Variants in MATN2 observed in about 807,000 individuals in gnomAD.
MATN2 encodes matrilin-2.
MATN2 carries 69 observed loss-of-function variants against 103.2 expected under a neutral mutation model. The ratio of observed to expected loss-of-function variants is 0.67; its 90% CI spans 0.55 to 0.82. The LOEUF (loss-of-function observed/expected upper bound fraction) is 0.82, where lower values mean the gene tolerates loss of function less well. Ranked by LOEUF, MATN2 falls within the 40% of genes least tolerant of loss-of-function variation. The pLI is 0.00. For synonymous variants in MATN2, 429 were observed against 450.2 expected (o/e 0.95, Z 0.60); for missense variants, 1,023 against 1,211.5 (o/e 0.84, Z 2.31).
intron 3 of MATN2, among the ~76,000 whole-genome samples, chr8:97,941,182 A>G (rs199500852): frequency 3.4e-5 from 2 of 58,450 alleles, no homozygotes; most frequent in South Asian, 9.1e-4. Context: ...AAAAAAAAAA[A>G]AAAGAAAGAA....
chr8:97,957,972 T>C (rs1449774370), intron 4 of MATN2, among the ~76,000 whole-genome samples: 1 of 152,238 alleles, frequency 6.6e-6, no homozygotes, highest in Non-Finnish European at 1.5e-5. Flanking sequence ...CTTCTGCGGA[T>C]ATCCCAGTCT....
intron 2 of MATN2, among the ~76,000 whole-genome samples, chr8:97,921,472 TG>T (rs34220273): frequency 0.33 from 49,919 of 152,054 alleles, 8,980 homozygotes; most frequent in Admixed American, 0.39. Flanking sequence ...ATAAGGGAAT[TG>T]GAGAGGGGAG....
chr8:98,030,232 A>G (rs2130452670), intron 14 of MATN2, among the ~76,000 whole-genome samples: 1 of 152,322 alleles, frequency 6.6e-6, no homozygotes, highest in East Asian at 1.9e-4. Flanking sequence ...GCAACAGGTT[A>G]GTAGTTTAGT....
intron 1 of MATN2, among the ~76,000 whole-genome samples, chr8:97,879,005 T>G (rs1818166867): frequency 6.6e-6 from 1 of 152,198 alleles, no homozygotes; most frequent in African/African-American, 2.4e-5. Flanking sequence ...TTTTGTTAAT[T>G]AATGAAAGAT....
chr8:97,965,679 TA>T (rs1811455489), intron 5 of MATN2, among the ~76,000 whole-genome samples: 1 of 151,260 alleles, frequency 6.6e-6, no homozygotes, highest in African/African-American at 2.4e-5. Context: ...TACCAAAAAA[TA>T]AAAAAATTAG....
At chr8:97,917,942 C>T (rs1809688354) in intron 2 of MATN2, among the ~76,000 whole-genome samples, 1 of 151,866 alleles carries the variant, frequency 6.6e-6, no homozygotes. Flanking sequence ...AAAAATTAGT[C>T]GGGTGTGGTG....
At chr8:97,956,772 CT>C (rs1811159905) in intron 4 of MATN2, among the ~76,000 whole-genome samples, 1 of 152,168 alleles carries the variant, frequency 6.6e-6, no homozygotes, top group African/African-American at 2.4e-5. Context: ...GTGTGAATAC[CT>C]CTTGCTGAGG....
At chr8:97,996,031 C>T (rs996458102) in intron 7 of MATN2, among the ~76,000 whole-genome samples, 2 of 152,232 alleles carry the variant, frequency 1.3e-5, no homozygotes, top group East Asian at 3.8e-4. Flanking sequence ...GTGTGAGGGA[C>T]TGGCTGCACC....
intron 10 of MATN2, among the ~76,000 whole-genome samples, chr8:98,008,322 G>C (rs1813042882): frequency 6.6e-6 from 1 of 152,030 alleles, no homozygotes; most frequent in African/African-American, 2.4e-5. Flanking sequence ...GTTTCGAAGT[G>C]GACCAAGATA....
At chr8:98,009,693 C>T (rs537311325) in intron 10 of MATN2, among the ~76,000 whole-genome samples, 1 of 152,230 alleles carries the variant, frequency 6.6e-6, no homozygotes, top group East Asian at 1.9e-4. Flanking sequence ...CCCCAGAGGC[C>T]TTTTTGCCTC....
At chr8:98,018,211 C>G in intron 12 of MATN2, 95 bp downstream of exon 12, 1 of 1,498,076 alleles carries the variant, frequency 6.7e-7, no homozygotes. Flanking sequence ...TTTATTACCA[C>G]TGTCACAAGT....
At position 98,007,086 on chromosome 8, in the gene MATN2, C is replaced by T. The variant is rs767227579; in HGVS notation, c.1328-19C>T. The stretch of plus-strand genomic sequence containing the variant: ...TGCCCCCTCGGCTCCTCTATGCTTT[C>T]GCGTGTGTGAAAATGCAGGAGTGGA... On this transcript the variant is annotated intron_variant, in intron 8 of 18. Coordinates refer to ENST00000254898, the MANE Select transcript of MATN2 (RefSeq NM_002380.5). The surrounding 1 kb of genome is among the most constrained non-coding windows in gnomAD (Gnocchi z 4.2). 8.1e-6 allele frequency: 13 copies of T among 1,595,130 alleles called. No individual in the cohort carries two copies. The East Asian group carries it at 9.1e-5, about 11-fold the overall frequency.
At position 98,001,482 on chromosome 8, in the gene MATN2, TGAG is replaced by T. The variant is rs1315569029; in HGVS notation, c.1205-2178_1205-2176del. 3.0e-5 allele frequency among the ~76,000 whole-genome samples: 3 copies of T among 98,796 alleles called. No homozygotes were observed. In the Admixed American group the frequency reaches 3.1e-4, roughly 10 times the overall value. The allele number at this position is 98,796 out of a possible 152,430, so 64.8% of individuals were successfully genotyped here. ...TTTGTCTTTTTTTTTTTTTTTTTTTTGAGACAGAGTCTCACTCTGTTGCCCAGG... is the reference window on the plus strand; with the variant it reads ...TTTGTCTTTTTTTTTTTTTTTTTTTTACAGAGTCTCACTCTGTTGCCCAGG... On this transcript the variant is annotated intron_variant, in intron 7 of 18. Transcript: ENST00000254898.
chr8:98,010,248 G>GCTCTC (rs1813113318), intron 10 of MATN2, among the ~76,000 whole-genome samples: 2 of 151,972 alleles, frequency 1.3e-5, no homozygotes, highest in South Asian at 4.2e-4. Context: ...CACCTGATAG[G>GCTCTC]CTCTCCTCTC....
At chr8:97,899,131 G>A (rs1818905910) in intron 2 of MATN2, among the ~76,000 whole-genome samples, 2 of 151,976 alleles carry the variant, frequency 1.3e-5, no homozygotes. Context: ...AGGTCTCAGT[G>A]GAAGCGCTTC....
intron 1 of MATN2, among the ~76,000 whole-genome samples, chr8:97,885,215 T>G (rs192577832): frequency 6.6e-6 from 1 of 152,324 alleles, no homozygotes; most frequent in Admixed American, 6.5e-5. Context: ...TTGTATACAT[T>G]TTGAAACAAA....
At chr8:97,998,621 G>A (rs1812680336) in intron 7 of MATN2, among the ~76,000 whole-genome samples, 1 of 148,772 alleles carries the variant, frequency 6.7e-6, no homozygotes, top group Admixed American at 6.7e-5. Context: ...TGTATGTGCT[G>A]CTGAAGCGAG....
intron 6 of MATN2, among the ~76,000 whole-genome samples, chr8:97,987,078 T>C (rs1812221753): frequency 6.6e-6 from 1 of 152,068 alleles, no homozygotes; most frequent in African/African-American, 2.4e-5. Flanking sequence ...CCTGAACTTG[T>C]GATCCGCCTG....
intron 2 of MATN2, among the ~76,000 whole-genome samples, chr8:97,914,986 G>C (rs1387327129): frequency 6.6e-6 from 1 of 152,032 alleles, no homozygotes; most frequent in Non-Finnish European, 1.5e-5. Flanking sequence ...TTTTGTTGTT[G>C]CTTTGTTTTT....
Sources: allele counts gnomAD v4.1 joint callset (sites outside exome capture counted in the v4.1 genomes callset), GRCh38; gene constraint gnomAD v4.1.1; non-coding constraint Gnocchi (gnomAD v3.1); transcripts MANE v1.5; gene names NCBI Gene and HGNC (gene_info 2026-07-23, HGNC 2026-07-21).